The following KIF3C variants were observed in gnomAD, a reference collection of about 807,000 sequenced individuals.
The protein encoded by KIF3C is kinesin family member 3C, also known as kinesin-like protein KIF3C.
In KIF3C, 12 loss-of-function variants were observed where a neutral mutation model predicts 67.7. The ratio of observed to expected loss-of-function variants is 0.18; its 90% CI spans 0.11 to 0.29. The LOEUF (loss-of-function observed/expected upper bound fraction) is 0.29. Ranked by LOEUF, KIF3C falls within the 10% of genes least tolerant of loss-of-function variation. The pLI is 1.00. For synonymous variants in KIF3C, 393 were observed against 426.2 expected, an observed-to-expected ratio of 0.92 and a Z score of 0.96; for missense variants, 789 against 1,059.6, an observed-to-expected ratio of 0.74 and a Z score of 3.55.
intron 5 of KIF3C, among the ~76,000 whole-genome samples, chr2:25,933,668 C>A: frequency 6.6e-6 from 1 of 151,014 alleles, no homozygotes; most frequent in African/African-American, 2.4e-5. Flanking sequence ...GGGTTAAGAC[C>A]TTGTCTCAAA....
At chr2:25,953,044 G>A (rs1663667253) in intron 4 of KIF3C, among the ~76,000 whole-genome samples, 1 of 151,700 alleles carries the variant, frequency 6.6e-6, no homozygotes, top group Non-Finnish European at 1.5e-5. Flanking sequence ...CGAGGAGGAC[G>A]GATCACCTGA....
intron 1 of KIF3C, among the ~76,000 whole-genome samples, chr2:25,971,871 CTTTTTTTTT>C (rs70950146): frequency 2.0e-4 from 11 of 53,810 alleles, no homozygotes; most frequent in African/African-American, 3.7e-4. Flanking sequence ...CCATGCCTAG[CTTTTTTTTT>C]TTTTTTTTTT....
chr2:25,931,998 G>GTTTTTT (rs768781708), intron 5 of KIF3C, among the ~76,000 whole-genome samples: 1 of 113,078 alleles, frequency 8.8e-6, no homozygotes, highest in African/African-American at 3.5e-5. Flanking sequence ...TGTTTCTTCT[G>GTTTTTT]TTTTGTTTTT....
intron 1 of KIF3C, among the ~76,000 whole-genome samples, chr2:25,962,967 A>T (rs13011745): frequency 4.2e-3 from 103 of 24,778 alleles, no homozygotes; most frequent in South Asian, 8.7e-3. Context: ...TAATATATAT[A>T]ATATATAATA....
rs776104184 is a variant in KIF3C, at chr2:25,980,860, A to G, written c.1058T>C (p.Leu353Pro). 6.2e-7 allele frequency: 1 copy of G among 1,614,050 alleles called. No individual in the cohort carries two copies. The highest frequency in any genetic ancestry group is 8.5e-7 in the Non-Finnish European group (1 of 1,179,986). Residue 353 changes from leucine (L) to proline (P), a missense_variant, in exon 1 of 8, where the codon CTC (leucine) becomes CCC (proline). This residue lies in a region of KIF3C where 648 missense variants were observed against 807.8 expected (regional missense o/e 0.80). Coordinates refer to ENST00000264712, the MANE Select transcript of KIF3C (RefSeq NM_002254.8). The surrounding 1 kb of genome is among the most constrained non-coding windows in gnomAD (Gnocchi z 7.6). ...TCGGTTGGCAAAGCGCAAGGTGGAGAGGCTCTCATCGTAGCTGTGAGAAGC... is the reference window on the plus strand; with the variant it reads ...TCGGTTGGCAAAGCGCAAGGTGGAGGGGCTCTCATCGTAGCTGTGAGAAGC... ...GPASHSYDESLSTLRFANRAK... is the reference protein window; with the variant it reads ...GPASHSYDESPSTLRFANRAK...
Position 25,927,780 on chromosome 2 carries a change from T to A in KIF3C, c.*1198A>T, listed in dbSNP as rs1248413733. 6.6e-6 allele frequency: 1 copy of A among 151,124 alleles called. No individual in the cohort carries two copies. The highest frequency in any genetic ancestry group is 1.9e-4 in the East Asian group (1 of 5,180). The allele number at this position is 151,124 out of a possible 1,614,324, so 9.4% of individuals were successfully genotyped here. A position where few individuals can be genotyped will look rare whatever the true frequency, so the allele number is the denominator to read the frequency against. ...AAAGCCAGTCAATGAACATTAACCA[T>A]TTTTTTTTGTAGAAATTTACTTATC... On this transcript the variant is annotated 3_prime_UTR_variant, in exon 8 of 8. Transcript: ENST00000264712.
chr2:25,962,698 T>C (rs1011269258), intron 1 of KIF3C, among the ~76,000 whole-genome samples: 2 of 136,636 alleles, frequency 1.5e-5, no homozygotes, highest in African/African-American at 2.7e-5. Flanking sequence ...TCTATGGACA[T>C]AGTATAAACA....
At chr2:25,957,838 G>C (rs755222224) in intron 1 of KIF3C, among the ~76,000 whole-genome samples, 1 of 152,208 alleles carries the variant, frequency 6.6e-6, no homozygotes, top group Non-Finnish European at 1.5e-5. Context: ...CACAGCCTCA[G>C]AGGCCAAGGC....
At position 25,981,047 on chromosome 2, in the gene KIF3C, A is replaced by G. The variant is rs1289324791; in HGVS notation, c.871T>C (p.Ser291Pro). 2 of 1,613,988 alleles carry G rather than the reference A, an allele frequency of 1.2e-6. No individual in the cohort carries two copies. The highest frequency in any genetic ancestry group is 8.5e-7 in the Non-Finnish European group (1 of 1,179,966). ...GCAGATAATGAGAGGTTGATTTTGGAGGCTTCCTTAGGCCTCTCTCCACCA... is the reference window on the plus strand; with the variant it reads ...GCAGATAATGAGAGGTTGATTTTGGGGGCTTCCTTAGGCCTCTCTCCACCA... ...GAGGERPKEASKINLSLSALG... is the reference protein window; with the variant it reads ...GAGGERPKEAPKINLSLSALG... Residue 291 changes from serine to proline, a missense_variant, in exon 1 of 8, where the codon TCC (serine) becomes CCC (proline). Ser to Pro is a moderately conservative substitution (Grantham distance 74). Around this residue, in one of 2 missense-constraint regions of KIF3C, gnomAD observed 648 missense variants for 807.8 expected, o/e 0.80. Coordinates refer to ENST00000264712, the MANE Select transcript of KIF3C (RefSeq NM_002254.8). The surrounding 1 kb of genome is among the most constrained non-coding windows in gnomAD (Gnocchi z 8.2).
Position 25,928,854 on chromosome 2 carries a change from C to G in KIF3C, c.*124G>C. 1 of 734,982 alleles carries G rather than the reference C, an allele frequency of 1.4e-6. No homozygotes were observed. The highest frequency in any genetic ancestry group is 2.3e-6 in the Non-Finnish European group (1 of 438,122). The allele number at this position is 734,982 out of a possible 1,614,324, so 45.5% of individuals were successfully genotyped here. ...AGAGGCACCATCTGCCAGATTCTCA[C>G]CCCTGCACACACGCACACGCACATG... On this transcript the variant is annotated 3_prime_UTR_variant, in exon 8 of 8. Transcript: ENST00000264712.
At position 25,981,521 on chromosome 2, in the gene KIF3C, G is replaced by A. The variant is rs368943817; in HGVS notation, c.397C>T (p.Arg133Cys). Residue 133 changes from arginine to cysteine, a missense_variant, in exon 1 of 8, where the codon CGC becomes TGC. Arg to Cys is a radical substitution (Grantham distance 180). Around this residue, in one of 2 missense-constraint regions of KIF3C, gnomAD observed 141 missense variants for 251.8 expected, o/e 0.56. Coordinates refer to ENST00000264712, the MANE Select transcript of KIF3C (RefSeq NM_002254.8). This position sits in a 1 kb window ranked among gnomAD's most constrained non-coding sequence, Gnocchi z 8.2. ...ACCAGGTACTGTTGGTTCTGGGAGC[G>A]GGAGATGTGGGTGAAGATGTGCTCA... is the stretch of plus-strand genomic sequence containing the variant. ...AFEHIFTHIS[R>C]SQNQQYLVRA... The A allele has an allele frequency of 2.6e-5, 42 of 1,614,078 alleles. No homozygotes were observed. Among genetic ancestry groups the A allele is most frequent in the Admixed American group, 5.0e-5 (3 of 59,998 alleles).
At position 25,962,930 on chromosome 2, in the gene KIF3C, TAC is replaced by T. The variant is rs1329824264; in HGVS notation, c.1546-6488_1546-6487del. On this transcript the variant is annotated intron_variant, in intron 1 of 7. Transcript: ENST00000264712. Reference sequence around the variant, plus strand: ...AATATATAATATATATAATATATAATACATATAATATATAATATATAATATAT... The same window carrying T: ...AATATATAATATATATAATATATAATATATAATATATAATATATAATATAT... Among the ~76,000 whole-genome samples, 40 of 41,644 alleles carry T rather than the reference TAC, an allele frequency of 9.6e-4. 1 individual carries two copies. The highest frequency in any genetic ancestry group is 3.4e-3 in the East Asian group (1 of 296). The allele number at this position is 41,644 out of a possible 152,430, so 27.3% of individuals were successfully genotyped here. A position where few individuals can be genotyped will look rare whatever the true frequency, so the allele number is the denominator to read the frequency against.
At chr2:25,948,650 G>C (rs1039622566) in intron 5 of KIF3C, among the ~76,000 whole-genome samples, 3 of 145,576 alleles carry the variant, frequency 2.1e-5, no homozygotes, top group African/African-American at 7.7e-5. Flanking sequence ...AAGAGAAAGA[G>C]AGAAAGAGAA....
chr2:25,977,126 C>T (rs1664439183), intron 1 of KIF3C, among the ~76,000 whole-genome samples: 1 of 151,892 alleles, frequency 6.6e-6, no homozygotes, highest in African/African-American at 2.4e-5. Flanking sequence ...CACACATTTG[C>T]ACACCCGAAC....
chr2:25,973,735 C>A (rs568265219), intron 1 of KIF3C, among the ~76,000 whole-genome samples: 11 of 152,240 alleles, frequency 7.2e-5, no homozygotes, highest in African/African-American at 2.4e-4. Flanking sequence ...AATTCGTACT[C>A]CCTGGTTACC....
rs748304299 is a variant in KIF3C at position 25,981,688 on chromosome 2, G to T, written c.230C>A (p.Thr77Asn). Residue 77 changes from threonine to asparagine, a missense_variant, in exon 1 of 8, where the codon ACC becomes AAC. Around this residue, in one of 2 missense-constraint regions of KIF3C, gnomAD observed 141 missense variants for 251.8 expected, o/e 0.56. Coordinates refer to ENST00000264712, the MANE Select transcript of KIF3C (RefSeq NM_002254.8). This position sits in a 1 kb window ranked among gnomAD's most constrained non-coding sequence, Gnocchi z 8.2. ...SSKQADLYDE[T>N]VRPLIDSVLQ... ...CACGGAGTCTATCAGGGGCCTCACGGTTTCGTCATACAGGTCGGCCTGCTT... is the reference window on the plus strand; with the variant it reads ...CACGGAGTCTATCAGGGGCCTCACGTTTTCGTCATACAGGTCGGCCTGCTT... 2 of 1,613,946 alleles carry T rather than the reference G, an allele frequency of 1.2e-6. No homozygotes were observed. The highest frequency in any genetic ancestry group is 1.1e-5 in the South Asian group (1 of 91,084).
At chr2:25,973,366 C>T (rs1046909441) in intron 1 of KIF3C, among the ~76,000 whole-genome samples, 1 of 152,070 alleles carries the variant, frequency 6.6e-6, no homozygotes, top group Non-Finnish European at 1.5e-5. Flanking sequence ...CCAGCCCGGA[C>T]AACATGGTGA....
intron 7 of KIF3C, 56 bp from the exon 8 acceptor site, chr2:25,929,127 A>G (rs2090436560): frequency 3.3e-6 from 5 of 1,512,550 alleles, no homozygotes; most frequent in Non-Finnish European, 4.6e-6. Flanking sequence ...AGGAAACAGG[A>G]AAGTGGGTCC....
chr2:25,955,167 C>G lies in KIF3C; in HGVS notation c.1770+374G>C, dbSNP rs1218892276. Among the ~76,000 whole-genome samples the G allele has an allele frequency of 1.3e-5, 2 of 152,220 alleles. No homozygotes were observed. The highest frequency in any genetic ancestry group is 1.5e-5 in the Non-Finnish European group (1 of 68,010). Reference sequence around the variant, plus strand: ...CCTTACACTCCCCACCTGAGCTTCCCGGGGTTCCAGTCTCCTCCTCAGCCT... The same window carrying G: ...CCTTACACTCCCCACCTGAGCTTCCGGGGGTTCCAGTCTCCTCCTCAGCCT... On this transcript the variant is annotated intron_variant, in intron 3 of 7. Coordinates refer to ENST00000264712, the MANE Select transcript of KIF3C (RefSeq NM_002254.8). This position sits in a 1 kb window ranked among gnomAD's most constrained non-coding sequence, Gnocchi z 5.0.
Sources: gnomAD v4.1 joint callset for allele counts (sites outside exome capture counted in the v4.1 genomes callset) on GRCh38, gnomAD v4.1.1 for gene constraint, gnomAD v4.1.1 regional missense constraint, Gnocchi (gnomAD v3.1) non-coding constraint, MANE v1.5 for transcripts, NCBI Gene and HGNC (gene_info 2026-07-23, HGNC 2026-07-21) for gene names.